Variants in CNTN4 observed in about 807,000 individuals in gnomAD.
CNTN4 encodes the protein contactin 4, also known as contactin-4.
CNTN4 carries 77 observed loss-of-function variants against 122.5 expected under a neutral mutation model. That is an observed-to-expected ratio of 0.63 (90% CI 0.52 to 0.76). CNTN4 has a LOEUF of 0.76. CNTN4 is among the 30% of genes least tolerant of loss of function. CNTN4 has a pLI of 0.00. For missense variants in CNTN4, 1,256 were observed against 1,259.1 expected (o/e 1.00, Z 0.04); for synonymous variants, 512 against 447.0 (o/e 1.15, Z -1.83).
intron 3 of CNTN4, among the ~76,000 whole-genome samples, chr3:2,466,078 C>T (rs955186921): frequency 6.6e-6 from 1 of 152,140 alleles, no homozygotes; most frequent in African/African-American, 2.4e-5. Context: ...TGCACTAAAC[C>T]AACACTACAT....
At chr3:2,528,903 G>A (rs2077495985) in intron 3 of CNTN4, among the ~76,000 whole-genome samples, 1 of 151,888 alleles carries the variant, frequency 6.6e-6, no homozygotes, top group Admixed American at 6.6e-5. Flanking sequence ...ATTAAGTTAG[G>A]TTAATGAGCA....
chr3:2,517,708 G>T (rs1054113433), intron 3 of CNTN4, among the ~76,000 whole-genome samples: 1 of 152,102 alleles, frequency 6.6e-6, no homozygotes, highest in African/African-American at 2.4e-5. Context: ...ACGGTCATTT[G>T]CAAGAACTTT....
intron 2 of CNTN4, among the ~76,000 whole-genome samples, chr3:2,215,876 T>C (rs1395685260): frequency 2.0e-5 from 2 of 101,056 alleles, no homozygotes; most frequent in Non-Finnish European, 3.7e-5. Context: ...AGAGTGAGCC[T>C]CTGTCTCAAA....
chr3:2,190,743 T>G (rs986144408), intron 2 of CNTN4, among the ~76,000 whole-genome samples: 2 of 151,914 alleles, frequency 1.3e-5, no homozygotes, highest in Non-Finnish European at 1.5e-5. Flanking sequence ...GCTTGCTGTT[T>G]TCTAAATTCA....
intron 7 of CNTN4, among the ~76,000 whole-genome samples, chr3:2,838,613 T>C (rs1354886291): frequency 6.6e-6 from 1 of 150,838 alleles, no homozygotes; most frequent in Non-Finnish European, 1.5e-5. Context: ...CCCTGGGTTG[T>C]GTAATTTATG....
At chr3:2,704,558 C>A (rs2086543168) in intron 4 of CNTN4, among the ~76,000 whole-genome samples, 1 of 152,052 alleles carries the variant, frequency 6.6e-6, no homozygotes, top group South Asian at 2.1e-4. Context: ...AACTGGCATC[C>A]TTTTCTGGAA....
At chr3:2,969,812 G>A (rs114840515) in intron 13 of CNTN4, among the ~76,000 whole-genome samples, 3,993 of 152,196 alleles carry the variant, frequency 0.026, 171 homozygotes, top group Admixed American at 0.088. Context: ...AATTATTAAA[G>A]CTAATAAACT....
rs13063353 is a variant in CNTN4, at chr3:2,840,101, C to T, written c.454+20520C>T. On this transcript the variant is annotated intron_variant, in intron 7 of 24. Transcript: ENST00000418658. The stretch of plus-strand genomic sequence containing the variant: ...TATGAGTCACCACACTCAGGGAAGC[C>T]CAACCCAATAACTTCTCAACAGATG... Among the ~76,000 whole-genome samples, 186 of 152,186 alleles carry T rather than the reference C, an allele frequency of 1.2e-3. 1 individual carries two copies. The highest frequency in any genetic ancestry group is 3.4e-3 in the Middle Eastern group (1 of 294).
At position 2,709,351 on chromosome 3, in the gene CNTN4, A is replaced by AAT. The variant is rs1392231313; in HGVS notation, c.56-26862_56-26861dup. On this transcript the variant is annotated intron_variant, in intron 4 of 24. Coordinates refer to ENST00000418658, the MANE Select transcript of CNTN4 (RefSeq NM_175607.3). The surrounding 1 kb of genome is among the most constrained non-coding windows in gnomAD (Gnocchi z 5.0). ...TAGAATCATCTGGGGGTCCTTAAAA[A>AAT]ATACTGATGCGTAGGTCTCACGCCT... Among the ~76,000 whole-genome samples, 1 of 152,152 alleles carries AAT rather than the reference A, an allele frequency of 6.6e-6. No individual in the cohort carries two copies. The highest frequency in any genetic ancestry group is 2.4e-5 in the African/African-American group (1 of 41,422).
At chr3:2,626,059 C>A (rs942937367) in intron 4 of CNTN4, among the ~76,000 whole-genome samples, 1 of 152,142 alleles carries the variant, frequency 6.6e-6, no homozygotes, top group African/African-American at 2.4e-5. Context: ...TGGAGAAGTT[C>A]TGTGTATTCT....
chr3:2,779,336 G>A (rs1037924795), intron 6 of CNTN4, among the ~76,000 whole-genome samples: 9 of 152,018 alleles, frequency 5.9e-5, no homozygotes, highest in South Asian at 2.1e-4. Context: ...GTGCGATCTC[G>A]GCTCAGGTGC....
intron 6 of CNTN4, among the ~76,000 whole-genome samples, chr3:2,818,221 A>G (rs2092783652): frequency 6.6e-6 from 1 of 152,234 alleles, no homozygotes; most frequent in South Asian, 2.1e-4. Flanking sequence ...GATGAAGACA[A>G]TAATGTACAA....
chr3:2,807,731 C>G lies in CNTN4; in HGVS notation c.359-11755C>G, dbSNP rs148822885. Among the ~76,000 whole-genome samples the G allele has an allele frequency of 1.3e-4, 20 of 152,216 alleles. No individual in the cohort carries two copies. The East Asian group carries it at 3.9e-3, about 29-fold the overall frequency. ...CATTTTTTAATGAGTCCAGCAATCC[C>G]TACTTTAATAGTTCAAAATCCTGAA... On this transcript the variant is annotated intron_variant, in intron 6 of 24. Transcript: ENST00000418658.
chr3:3,009,809 G>A (rs892941535), intron 14 of CNTN4, among the ~76,000 whole-genome samples: 1 of 152,122 alleles, frequency 6.6e-6, no homozygotes, highest in Non-Finnish European at 1.5e-5. Flanking sequence ...CACAGTTGTT[G>A]GCCCATATTT....
At chr3:2,859,538 GT>G (rs34103613) in intron 7 of CNTN4, among the ~76,000 whole-genome samples, 77,307 of 146,218 alleles carry the variant, frequency 0.53, 20,167 homozygotes, top group East Asian at 0.72. Flanking sequence ...TGCTTTCCTG[GT>G]TTTTTTTTTT....
chr3:2,527,233 G>A (rs1170777944), intron 3 of CNTN4, among the ~76,000 whole-genome samples: 4 of 152,186 alleles, frequency 2.6e-5, no homozygotes, highest in Non-Finnish European at 5.9e-5. Flanking sequence ...TTTTCCAGCT[G>A]AGGGCTGTGA....
chr3:2,800,079 C>CTTT (rs11449693), intron 6 of CNTN4, among the ~76,000 whole-genome samples: 6 of 136,484 alleles, frequency 4.4e-5, no homozygotes, highest in Admixed American at 1.5e-4. Flanking sequence ...ATGCCATCTA[C>CTTT]TTTTTTTTTT....
intron 2 of CNTN4, among the ~76,000 whole-genome samples, chr3:2,331,322 C>T (rs2043712451): frequency 6.6e-6 from 1 of 152,000 alleles, no homozygotes; most frequent in African/African-American, 2.4e-5. Context: ...AGAAGTAGGC[C>T]CTTAGTGAAT....
intron 10 of CNTN4, among the ~76,000 whole-genome samples, chr3:2,887,935 A>G (rs1223389888): frequency 6.6e-6 from 1 of 152,218 alleles, no homozygotes; most frequent in Non-Finnish European, 1.5e-5. Context: ...GTTCTGCCAA[A>G]TTGGAGCATG....
Sources: allele counts gnomAD v4.1 joint callset (sites outside exome capture counted in the v4.1 genomes callset), GRCh38; gene constraint gnomAD v4.1.1; non-coding constraint Gnocchi (gnomAD v3.1); transcripts MANE v1.5; gene names NCBI Gene and HGNC (gene_info 2026-07-23, HGNC 2026-07-21).